CCSER1: variants seen among roughly 807,000 people sequenced by gnomAD.
CCSER1 encodes serine-rich coiled-coil domain-containing protein 1.
In CCSER1, 41 loss-of-function variants were observed where a neutral mutation model predicts 82.0. The observed-to-expected ratio is 0.50, with a 90% CI of 0.39 to 0.65. The LOEUF is 0.65. Among genes scored for constraint, CCSER1 ranks in the 30% least tolerant of loss-of-function variants. The pLI, the probability that CCSER1 is intolerant of heterozygous loss-of-function variation, is 0.00. For synonymous variants in CCSER1, 414 were observed against 383.9 expected, an observed-to-expected ratio of 1.08 and a Z score of -0.92; for missense variants, 1,119 against 1,064.2, an observed-to-expected ratio of 1.05 and a Z score of -0.72.
intron 9 of CCSER1, among the ~76,000 whole-genome samples, chr4:90,927,003 T>A (rs1451002608): frequency 6.6e-6 from 1 of 151,986 alleles, no homozygotes; most frequent in African/African-American, 2.4e-5. Context: ...CTGTAAATAT[T>A]TTATAGCTTG....
rs191043420 is a variant in CCSER1 at position 90,502,848 on chromosome 4, T to A, written c.1724+34494T>A. ...ACAGACTATAGCCAGAACAAATAGCTGAAACTTCTGGCTTTTAAGCCATTT... is the reference window on the plus strand; with the variant it reads ...ACAGACTATAGCCAGAACAAATAGCAGAAACTTCTGGCTTTTAAGCCATTT... On this transcript the variant is annotated intron_variant, in intron 5 of 10. Coordinates refer to ENST00000509176, the MANE Select transcript of CCSER1 (RefSeq NM_001145065.2). 1.5e-3 allele frequency among the ~76,000 whole-genome samples: 232 copies of A among 152,296 alleles called. 1 individual carries two copies. The highest frequency in any genetic ancestry group is 6.8e-3 in the Middle Eastern group (2 of 294).
intron 10 of CCSER1, among the ~76,000 whole-genome samples, chr4:91,423,972 G>T (rs1278805900): frequency 1.5e-5 from 2 of 137,078 alleles, no homozygotes; most frequent in Non-Finnish European, 3.1e-5. Context: ...AAGGCAAAGA[G>T]TACATAACAC....
At chr4:91,334,196 CTT>C (rs1677082848) in intron 10 of CCSER1, among the ~76,000 whole-genome samples, 2 of 151,990 alleles carry the variant, frequency 1.3e-5, no homozygotes, top group Admixed American at 1.3e-4. Context: ...CACAAGTTTT[CTT>C]TGTTATACAG....
At chr4:91,157,805 A>G (rs1730964103) in intron 10 of CCSER1, among the ~76,000 whole-genome samples, 1 of 152,058 alleles carries the variant, frequency 6.6e-6, no homozygotes, top group Non-Finnish European at 1.5e-5. Context: ...AGGTAGCATA[A>G]TAAATGGCCA....
intron 10 of CCSER1, among the ~76,000 whole-genome samples, chr4:91,274,775 C>A (rs1011957045): frequency 4.6e-5 from 7 of 152,134 alleles, no homozygotes; most frequent in Non-Finnish European, 8.8e-5. Context: ...GTGAATAATG[C>A]TGCAATAAAC....
chr4:91,118,843 G>C (rs542247620), intron 10 of CCSER1, among the ~76,000 whole-genome samples: 21 of 152,256 alleles, frequency 1.4e-4, no homozygotes, highest in Non-Finnish European at 2.2e-4. Flanking sequence ...CTTACCAGTA[G>C]TTTTTGTAGA....
intron 10 of CCSER1, among the ~76,000 whole-genome samples, chr4:91,522,551 A>T (rs1357280120): frequency 6.6e-6 from 1 of 152,088 alleles, no homozygotes; most frequent in Admixed American, 6.5e-5. Context: ...TATTTCGTTG[A>T]GCAGTGGTTT....
chr4:90,897,988 T>C (rs1015289652), intron 8 of CCSER1, among the ~76,000 whole-genome samples: 1 of 151,988 alleles, frequency 6.6e-6, no homozygotes, highest in African/African-American at 2.4e-5. Context: ...TTGTTTAAGG[T>C]CCTTATAAAT....
At chr4:90,289,366 A>G (rs1730500596) in intron 1 of CCSER1, among the ~76,000 whole-genome samples, 1 of 151,902 alleles carries the variant, frequency 6.6e-6, no homozygotes, top group Admixed American at 6.6e-5. Context: ...AGATTTTCAA[A>G]GTTATTTTAG....
intron 10 of CCSER1, among the ~76,000 whole-genome samples, chr4:91,218,920 A>G (rs1279889031): frequency 6.6e-6 from 1 of 152,212 alleles, no homozygotes; most frequent in East Asian, 1.9e-4. Context: ...TAAATACGAT[A>G]CAAACCTAAA....
intron 10 of CCSER1, among the ~76,000 whole-genome samples, chr4:91,163,881 C>A (rs1291192790): frequency 6.6e-6 from 1 of 152,034 alleles, no homozygotes; most frequent in Non-Finnish European, 1.5e-5. Context: ...TTGACTCTAT[C>A]CAATTTGGGA....
In CCSER1 at chr4:91,426,545, G is replaced by A. The variant is rs765501944; in HGVS notation, c.2218-172027G>A. ...AAAGTAGTGGATTGACTCATGAAAG[G>A]TCAAGAAACTTCAGAATGAAATTTT... On this transcript the variant is annotated intron_variant, in intron 10 of 10. Transcript: ENST00000509176. Among the ~76,000 whole-genome samples the A allele has an allele frequency of 2.0e-4, 31 of 151,662 alleles. 1 individual carries two copies. The highest frequency in any genetic ancestry group is 8.3e-4 in the South Asian group (4 of 4,814).
chr4:90,165,061 T>A (rs1488513213), intron 1 of CCSER1, among the ~76,000 whole-genome samples: 1 of 152,136 alleles, frequency 6.6e-6, no homozygotes, highest in Non-Finnish European at 1.5e-5. Context: ...TGGATTCTAA[T>A]CCTAAACTCT....
Position 91,367,564 on chromosome 4 carries a change from TCTTTG to T in CCSER1, c.2218-231005_2218-231001del, listed in dbSNP as rs574185103. Among the ~76,000 whole-genome samples the T allele has an allele frequency of 1.2e-4, 18 of 152,130 alleles. No individual in the cohort carries two copies. The East Asian group carries it at 3.5e-3, about 29-fold the overall frequency. ...TGGAATTCTCTTTTTATGTTTGCCC[TCTTTG>T]CTCTTTACCAGTAGGCATGCCTAGT... is the stretch of plus-strand genomic sequence containing the variant. On this transcript the variant is annotated intron_variant, in intron 10 of 10. Transcript: ENST00000509176.
At chr4:91,250,210 C>A (rs905718191) in intron 10 of CCSER1, among the ~76,000 whole-genome samples, 3 of 151,832 alleles carry the variant, frequency 2.0e-5, no homozygotes, top group Non-Finnish European at 4.4e-5. Context: ...TTTCTATCAT[C>A]TGTCCAGATG....
chr4:91,570,881 A>G (rs1343778502), intron 10 of CCSER1, among the ~76,000 whole-genome samples: 1 of 152,108 alleles, frequency 6.6e-6, no homozygotes, highest in Non-Finnish European at 1.5e-5. Flanking sequence ...TTTCTTTTCT[A>G]TTGCATCATC....
At chr4:90,897,187 A>G (rs1339657053) in intron 8 of CCSER1, among the ~76,000 whole-genome samples, 1 of 151,924 alleles carries the variant, frequency 6.6e-6, no homozygotes, top group African/African-American at 2.4e-5. Context: ...TTACATGGGT[A>G]TATTGTGTAA....
At chr4:91,550,774 T>C (rs1346399197) in intron 10 of CCSER1, among the ~76,000 whole-genome samples, 1 of 152,180 alleles carries the variant, frequency 6.6e-6, no homozygotes, top group Non-Finnish European at 1.5e-5. Flanking sequence ...GAAATGCTAA[T>C]ATATTATTGA....
At chr4:91,131,317 A>G (rs1422621440) in intron 10 of CCSER1, among the ~76,000 whole-genome samples, 2 of 143,688 alleles carry the variant, frequency 1.4e-5, no homozygotes, top group Non-Finnish European at 3.0e-5. Context: ...TTTAATCTAG[A>G]ACAGTTCTCC....
Sources: gnomAD v4.1 joint callset for allele counts (sites outside exome capture counted in the v4.1 genomes callset) on GRCh38, gnomAD v4.1.1 for gene constraint, MANE v1.5 for transcripts, NCBI Gene and HGNC (gene_info 2026-07-23, HGNC 2026-07-21) for gene names.